NPC1: variants seen among roughly 807,000 people sequenced by gnomAD.
NPC1 encodes the protein Niemann-Pick C1 protein.
A neutral mutation model predicts 140.4 loss-of-function variants in NPC1; 85 were observed. The ratio of observed to expected loss-of-function variants is 0.61; its 90% CI spans 0.51 to 0.72. The LOEUF (loss-of-function observed/expected upper bound fraction) is 0.72. NPC1 is among the 30% of genes least tolerant of loss of function. NPC1 has a pLI of 0.00. For missense variants in NPC1, 1,504 were observed against 1,623.8 expected, an observed-to-expected ratio of 0.93 and a Z score of 1.27; for synonymous variants, 656 against 624.8, an observed-to-expected ratio of 1.05 and a Z score of -0.74.
intron 4 of NPC1, among the ~76,000 whole-genome samples, chr18:23,563,162 T>A (rs764502245): frequency 6.6e-6 from 1 of 152,238 alleles, no homozygotes; most frequent in Admixed American, 6.5e-5. Context: ...TCATTTAGCA[T>A]AATGTTCTCA....
chr18:23,509,986 T>C (rs2057808938), intron 3 of NPC1, among the ~76,000 whole-genome samples: 1 of 56,764 alleles, frequency 1.8e-5, no homozygotes, highest in Admixed American at 2.4e-4. Flanking sequence ...ATTTTATTCT[T>C]TTTTTTTTTT....
Position 23,533,382 on chromosome 18 carries a change from ATAT to A in NPC1, c.3724_3726del (p.Ile1242del). On this transcript the variant is annotated inframe_deletion, in exon 24 of 25. Transcript: ENST00000269228. Reference sequence around the variant, plus strand: ...ATGTAACTGAGTAAGACAGGGAGAAATATTAATCCGTGAGTGGCTCCCAGTAAG... The same window carrying A: ...ATGTAACTGAGTAAGACAGGGAGAAATAATCCGTGAGTGGCTCCCAGTAAG... 6.2e-7 allele frequency: 1 copy of A among 1,614,172 alleles called. No homozygotes were observed. The highest frequency in any genetic ancestry group is 1.1e-5 in the South Asian group (1 of 91,082).
chr18:23,528,305 T>C (rs895914763), downstream of NPC1: 5 of 163,386 alleles, frequency 3.1e-5, no homozygotes, highest in Non-Finnish European at 5.4e-5. Context: ...TCTTCCCTTT[T>C]GGGAAAGAAT....
At chr18:23,528,995 T>C, downstream of NPC1, 2 of 926,036 alleles carry the variant, frequency 2.2e-6, no homozygotes, top group Admixed American at 3.3e-5. Flanking sequence ...TTCTCCTGCC[T>C]CAGCCTCCTG....
intron 3 of NPC1, among the ~76,000 whole-genome samples, chr18:23,570,374 CTAAATA>C (rs1218637038): frequency 2.0e-5 from 3 of 152,176 alleles, no homozygotes; most frequent in Non-Finnish European, 4.4e-5. Context: ...ACGGTGGATC[CTAAATA>C]AATGTGTTTT....
intron 1 of NPC1, among the ~76,000 whole-genome samples, chr18:23,584,696 G>T (rs575468472): frequency 4.7e-4 from 72 of 152,204 alleles, no homozygotes; most frequent in African/African-American, 1.7e-3. Context: ...CCATCTCCAC[G>T]GAAAATACAA....
At chr18:23,529,616 C>G, downstream of NPC1, 1 of 1,606,854 alleles carries the variant, frequency 6.2e-7, no homozygotes, top group Non-Finnish European at 8.5e-7. Context: ...TTTGTAAGAC[C>G]ACATTTTTTT....
rs1243567350 is a variant in NPC1, at chr18:23,569,005, G to A, written c.288-7C>T. 2.1e-5 allele frequency: 34 copies of A among 1,606,690 alleles called. No individual in the cohort carries two copies. The highest frequency in any genetic ancestry group is 2.6e-5 in the Non-Finnish European group (31 of 1,174,308). Reference sequence around the variant, plus strand: ...ATAAAAACAGGATGGACATCTAAAGGAAAAGTAAATTATATTCTGCATGAT... The same window carrying A: ...ATAAAAACAGGATGGACATCTAAAGAAAAAGTAAATTATATTCTGCATGAT... On this transcript the variant is annotated splice_region_variant and splice_polypyrimidine_tract_variant and intron_variant, in intron 3 of 24. Transcript: ENST00000269228.
In NPC1 at chr18:23,565,280, A is replaced by G. The variant is rs148845416; in HGVS notation, c.463+3543T>C. The stretch of plus-strand genomic sequence containing the variant: ...TATCTAAACAATATTAAGTCTTTTG[A>G]TTGATAAACATGGAATGTCTTTCCA... On this transcript the variant is annotated intron_variant, in intron 4 of 24. Transcript: ENST00000269228. Among the ~76,000 whole-genome samples, 349 of 152,304 alleles carry G rather than the reference A, an allele frequency of 2.3e-3. 1 individual carries two copies. The highest frequency in any genetic ancestry group is 4.2e-3 in the Non-Finnish European group (285 of 68,016).
chr18:23,509,834 C>T (rs1456581008), intron 3 of NPC1, among the ~76,000 whole-genome samples: 1 of 151,862 alleles, frequency 6.6e-6, no homozygotes, highest in Non-Finnish European at 1.5e-5. Flanking sequence ...GCTGGGATTA[C>T]AGGCGTGAGC....
At chr18:23,565,493 T>C (rs2059111087) in intron 4 of NPC1, among the ~76,000 whole-genome samples, 1 of 152,104 alleles carries the variant, frequency 6.6e-6, no homozygotes, top group Non-Finnish European at 1.5e-5. Context: ...GTAGCTGGCA[T>C]TACAAGCGAG....
chr18:23,560,130 T>C (rs763286424), intron 6 of NPC1, 101 bp downstream of exon 6: 102 of 1,409,180 alleles, frequency 7.2e-5, no homozygotes, highest in Non-Finnish European at 9.4e-5. Flanking sequence ...TGGAGGTATT[T>C]GTTTCTTGTC....
rs780965348 is a variant in NPC1 at position 23,560,406 on chromosome 18, C to A, written c.706G>T (p.Ala236Ser). The change falls in exon 6 of 25, where the codon GCA (alanine) becomes TCA (serine). Residue 236 changes from alanine (A) to serine (S), a missense_variant. Physicochemically the swap from Ala to Ser is moderately conservative, Grantham distance 99. Coordinates refer to ENST00000269228, the MANE Select transcript of NPC1 (RefSeq NM_000271.5). The stretch of plus-strand genomic sequence containing the variant: ...GAGCAGTCTTGGCAGCTACATGGTG[C>A]TGTGACCTCATCCACAGACTCGTCA... Reference protein sequence around the residue: ...GCDESVDEVTAPCSCQDCSIV... With the variant: ...GCDESVDEVTSPCSCQDCSIV... The A allele has an allele frequency of 1.9e-6, 3 of 1,614,240 alleles. No homozygotes were observed. Among genetic ancestry groups the A allele is most frequent in the Non-Finnish European group, 2.5e-6 (3 of 1,180,042 alleles).
intron 3 of NPC1, chr18:23,515,725 G>A: frequency 2.0e-6 from 2 of 1,018,942 alleles, no homozygotes; most frequent in Non-Finnish European, 2.9e-6. Flanking sequence ...TAGAGATGGG[G>A]TTTTACCATT....
intron 3 of NPC1, among the ~76,000 whole-genome samples, chr18:23,515,649 C>T (rs1027559037): frequency 5.9e-5 from 9 of 152,212 alleles, no homozygotes; most frequent in African/African-American, 2.2e-4. Context: ...TCTTGTGCCT[C>T]AGCCTTCTGA....
chr18:23,512,599 CT>C lies in NPC1; in HGVS notation c.432-5958del, dbSNP rs761104196. On this transcript the variant is annotated intron_variant, in intron 3 of 3. Coordinates refer to the NPC1 transcript ENST00000591107. Reference sequence around the variant, plus strand: ...GCACGCCCAACTTAATTTTTTTTTCCTTTTTTTTTTTTTGTAGAGATGAGGT... The same window carrying C: ...GCACGCCCAACTTAATTTTTTTTTCCTTTTTTTTTTTTGTAGAGATGAGGT... Among the ~76,000 whole-genome samples, 434 of 141,758 alleles carry C rather than the reference CT, an allele frequency of 3.1e-3. 1 individual carries two copies. Among genetic ancestry groups the C allele is most frequent in the African/African-American group, 7.2e-3 (280 of 38,896 alleles). The allele number at this position is 141,758 out of a possible 152,430, so 93.0% of individuals were successfully genotyped here. A position where few individuals can be genotyped will look rare whatever the true frequency, so the allele number is the denominator to read the frequency against.
chr18:23,586,480 A>C lies in NPC1; in HGVS notation c.-137T>G. ...AGCAGGAGCAGGCGCTGACCGCGGC[A>C]GCAGGCTGCGCGCGCCGGTCAGGAA... On this transcript the variant is annotated 5_prime_UTR_variant, in exon 1 of 25. Transcript: ENST00000269228. 7.0e-7 allele frequency: 1 copy of C among 1,433,004 alleles called. No homozygotes were observed. Among genetic ancestry groups the C allele is most frequent in the Non-Finnish European group, 9.1e-7 (1 of 1,101,438 alleles). The allele number at this position is 1,433,004 out of a possible 1,614,324, so 88.8% of individuals were successfully genotyped here. A position where few individuals can be genotyped will look rare whatever the true frequency, so the allele number is the denominator to read the frequency against.
rs761739431 is a variant in NPC1, at chr18:23,540,487, T to C, written c.2565A>G (p.Lys855=). 1.1e-5 allele frequency: 18 copies of C among 1,612,852 alleles called. No homozygotes were observed. In the South Asian group the frequency reaches 2.0e-4, roughly 18 times the overall value. ...VLSFSIAVLN[K]VDIGLDQSLS... ...GAGACTGATCCAATCCAATATCTACTTTGTTCAGGACTGCGATGCTGAATG... is the reference window on the plus strand; with the variant it reads ...GAGACTGATCCAATCCAATATCTACCTTGTTCAGGACTGCGATGCTGAATG... Residue 855 remains lysine, a synonymous_variant, in exon 17 of 25, where the codon AAA becomes AAG. Coordinates refer to ENST00000269228, the MANE Select transcript of NPC1 (RefSeq NM_000271.5).
chr18:23,561,648 T>C (rs2059041523), intron 4 of NPC1, 121 bp from the exon 5 acceptor site: 2 of 986,856 alleles, frequency 2.0e-6, no homozygotes, highest in African/African-American at 3.2e-5. Context: ...GCTGGAATGC[T>C]GGACAGCAAA....
Sources: gnomAD v4.1 joint callset for allele counts (sites outside exome capture counted in the v4.1 genomes callset) on GRCh38, gnomAD v4.1.1 for gene constraint, MANE v1.5 for transcripts, NCBI Gene and HGNC (gene_info 2026-07-23, HGNC 2026-07-21) for gene names.